TMEM132C: variants seen among roughly 807,000 people sequenced by gnomAD.
TMEM132C encodes transmembrane protein 132C.
A neutral mutation model predicts 61.4 loss-of-function variants in TMEM132C; 29 were observed. That is an observed-to-expected ratio of 0.47 (90% CI 0.35 to 0.64). The LOEUF is 0.64. TMEM132C is among the 30% of genes least tolerant of loss of function. The pLI is 0.00. For synonymous variants in TMEM132C, 656 were observed against 633.1 expected (o/e 1.04, Z -0.54); for missense variants, 1,408 against 1,476.9 (o/e 0.95, Z 0.76).
chr12:128,480,511 C>T (rs1871285164), intron 2 of TMEM132C, among the ~76,000 whole-genome samples: 1 of 152,186 alleles, frequency 6.6e-6, no homozygotes, highest in Admixed American at 6.5e-5. Context: ...CCGGCGAAGC[C>T]AGCCCATGCG....
chr12:128,682,338 C>G (rs1378160040), intron 5 of TMEM132C, among the ~76,000 whole-genome samples: 1 of 152,204 alleles, frequency 6.6e-6, no homozygotes, highest in Non-Finnish European at 1.5e-5. Flanking sequence ...AGCACCTCCT[C>G]TCCATTTCTA....
chr12:128,700,917 G>A (rs1039733320), intron 8 of TMEM132C, among the ~76,000 whole-genome samples: 1 of 152,238 alleles, frequency 6.6e-6, no homozygotes, highest in Non-Finnish European at 1.5e-5. Context: ...TCAGGTGCAA[G>A]TAGTTTATTC....
rs150963683 is a variant in TMEM132C, at chr12:128,341,174, C to G, written c.86-73558C>G. Reference sequence around the variant, plus strand: ...CGGGCTGGTCTCGAACTCCTGACCTCTGGAGATCCAACCACCTCGGCCTCC... The same window carrying G: ...CGGGCTGGTCTCGAACTCCTGACCTGTGGAGATCCAACCACCTCGGCCTCC... On this transcript the variant is annotated intron_variant, in intron 1 of 8. Transcript: ENST00000435159. Among the ~76,000 whole-genome samples the G allele has an allele frequency of 3.7e-3, 564 of 152,240 alleles. 4 individuals are homozygous for G. Among genetic ancestry groups the G allele is most frequent in the Middle Eastern group, 0.014 (4 of 294 alleles).
intron 1 of TMEM132C, among the ~76,000 whole-genome samples, chr12:128,364,952 G>T (rs1374751428): frequency 6.6e-6 from 1 of 152,228 alleles, no homozygotes; most frequent in Admixed American, 6.5e-5. Context: ...TAGAGAGTGC[G>T]TCAGCCATCT....
chr12:128,413,787 T>C (rs537595631), intron 1 of TMEM132C, among the ~76,000 whole-genome samples: 30 of 152,196 alleles, frequency 2.0e-4, no homozygotes, highest in Non-Finnish European at 4.0e-4. Context: ...GTTGCAAATA[T>C]TTACTCCCAG....
At chr12:128,587,806 T>C (rs1875604254) in intron 3 of TMEM132C, among the ~76,000 whole-genome samples, 2 of 152,126 alleles carry the variant, frequency 1.3e-5, no homozygotes, top group Admixed American at 6.5e-5. Context: ...AATAAATGTG[T>C]GTAAGTTTGA....
intron 4 of TMEM132C, among the ~76,000 whole-genome samples, chr12:128,632,097 T>C (rs1211937802): frequency 2.6e-5 from 4 of 152,172 alleles, no homozygotes; most frequent in Non-Finnish European, 5.9e-5. Flanking sequence ...AGCATACCGA[T>C]CTCTATTGAT....
At chr12:128,670,113 T>G (rs1426268458) in intron 5 of TMEM132C, among the ~76,000 whole-genome samples, 1 of 152,146 alleles carries the variant, frequency 6.6e-6, no homozygotes, top group Non-Finnish European at 1.5e-5. Context: ...AGTTCTAGAC[T>G]AGCCTGGCCA....
At chr12:128,330,069 C>T (rs1872631896) in intron 1 of TMEM132C, among the ~76,000 whole-genome samples, 1 of 152,082 alleles carries the variant, frequency 6.6e-6, no homozygotes, top group Admixed American at 6.6e-5. Context: ...ATACCAAATC[C>T]CGGGAAATCA....
At position 128,269,229 on chromosome 12, in the gene TMEM132C, C is replaced by T. The variant is rs1486478335; in HGVS notation, c.85+1742C>T. On this transcript the variant is annotated intron_variant, in intron 1 of 8. Transcript: ENST00000435159. ...GCAGAGGAAGGCGGTGCTAATTGAGCAGGGCGTGACCGACCTCCTCCGGGT... is the reference window on the plus strand; with the variant it reads ...GCAGAGGAAGGCGGTGCTAATTGAGTAGGGCGTGACCGACCTCCTCCGGGT... Among the ~76,000 whole-genome samples, 3 of 152,110 alleles carry T rather than the reference C, an allele frequency of 2.0e-5. No individual in the cohort carries two copies. The South Asian group carries it at 6.2e-4, about 31-fold the overall frequency.
In TMEM132C at chr12:128,523,035, C is replaced by T. The variant is rs192685276; in HGVS notation, c.975-20922C>T. Among the ~76,000 whole-genome samples, 3 of 152,048 alleles carry T rather than the reference C, an allele frequency of 2.0e-5. No homozygotes were observed. The East Asian group carries it at 5.8e-4, about 29-fold the overall frequency. On this transcript the variant is annotated intron_variant, in intron 2 of 8. Coordinates refer to ENST00000435159, the MANE Select transcript of TMEM132C (RefSeq NM_001136103.3). ...GCCTATAAACAGATGAATGGATAAG[C>T]GGAATGGGGTATAGATATACAATGG...
chr12:128,707,246 C>T lies in TMEM132C; in HGVS notation c.*951C>T, dbSNP rs1954849376. 6.6e-6 allele frequency: 1 copy of T among 152,194 alleles called. No individual in the cohort carries two copies. The highest frequency in any genetic ancestry group is 2.4e-5 in the African/African-American group (1 of 41,448). 9.4% of individuals were successfully genotyped at this position (152,194 alleles called of 1,614,324 possible). A position where few individuals can be genotyped will look rare whatever the true frequency, so the allele number is the denominator to read the frequency against. On this transcript the variant is annotated 3_prime_UTR_variant, in exon 9 of 9. Transcript: ENST00000435159. ...GGAGAACAGAGCCCCACCTGGACCA[C>T]CTGACCCCTCGGGATTCCACCCCTG...
At chr12:128,498,821 G>A (rs961981313) in intron 2 of TMEM132C, among the ~76,000 whole-genome samples, 4 of 151,650 alleles carry the variant, frequency 2.6e-5, no homozygotes, top group East Asian at 1.9e-4. Flanking sequence ...CAAAAGAAAC[G>A]GAAGACTTGT....
chr12:128,295,733 G>C (rs548840969), intron 1 of TMEM132C, among the ~76,000 whole-genome samples: 1 of 150,360 alleles, frequency 6.7e-6, no homozygotes, highest in Non-Finnish European at 1.5e-5. Context: ...TCAGTGATCA[G>C]AGACCAGTCC....
chr12:128,384,519 C>A (rs1440854475), intron 1 of TMEM132C, among the ~76,000 whole-genome samples: 1 of 152,276 alleles, frequency 6.6e-6, no homozygotes, highest in East Asian at 1.9e-4. Context: ...TTCCAGGATT[C>A]AAAGCAAAGC....
intron 1 of TMEM132C, among the ~76,000 whole-genome samples, chr12:128,397,480 T>A (rs560226130): frequency 6.6e-6 from 1 of 152,132 alleles, no homozygotes; most frequent in Non-Finnish European, 1.5e-5. Flanking sequence ...TGAAAGGTCA[T>A]ACGAGGGGGT....
At chr12:128,621,882 G>A (rs571868573) in intron 4 of TMEM132C, among the ~76,000 whole-genome samples, 3 of 152,166 alleles carry the variant, frequency 2.0e-5, no homozygotes, top group East Asian at 1.9e-4. Flanking sequence ...TTTTCCCTCC[G>A]TTATGCCCAC....
chr12:128,469,394 C>T (rs945056772), intron 2 of TMEM132C, among the ~76,000 whole-genome samples: 2 of 148,780 alleles, frequency 1.3e-5, no homozygotes, highest in Non-Finnish European at 3.0e-5. Flanking sequence ...TGGCTCACTG[C>T]AGCCTCGACC....
chr12:128,299,494 G>A (rs1387897342), intron 1 of TMEM132C, among the ~76,000 whole-genome samples: 1 of 152,180 alleles, frequency 6.6e-6, no homozygotes, highest in African/African-American at 2.4e-5. Flanking sequence ...CAGAGCTGAT[G>A]GTGCCAGTTC....
Sources: allele counts gnomAD v4.1 joint callset (sites outside exome capture counted in the v4.1 genomes callset), GRCh38; gene constraint gnomAD v4.1.1; transcripts MANE v1.5; gene names NCBI Gene and HGNC (gene_info 2026-07-23, HGNC 2026-07-21).